TMC1: variants seen among roughly 807,000 people sequenced by gnomAD.
The protein encoded by TMC1 is transmembrane channel-like protein 1.
Under a neutral mutation model 105.8 loss-of-function variants are expected in TMC1, and 84 were observed. The observed-to-expected ratio is 0.79, with a 90% confidence interval of 0.67 to 0.95. The LOEUF (loss-of-function observed/expected upper bound fraction) is 0.95. Ranked by LOEUF, TMC1 falls within the 40% of genes least tolerant of loss-of-function variation. The probability of loss-of-function intolerance (pLI) is 0.00; values close to 1 mark genes in which losing one functional copy is unlikely to be tolerated. For synonymous variants in TMC1, 315 were observed against 311.5 expected, an observed-to-expected ratio of 1.01 and a Z score of -0.12; for missense variants, 817 against 914.1, an observed-to-expected ratio of 0.89 and a Z score of 1.37.
intron 1 of TMC1, among the ~76,000 whole-genome samples, chr9:72,527,828 C>A (rs1206598743): frequency 6.6e-6 from 1 of 152,316 alleles, no homozygotes; most frequent in Admixed American, 6.5e-5. Flanking sequence ...GGCTCTCAGG[C>A]TTTGTTGCCA....
chr9:72,627,035 T>A (rs559114235), intron 3 of TMC1, among the ~76,000 whole-genome samples: 1 of 152,108 alleles, frequency 6.6e-6, no homozygotes, highest in Non-Finnish European at 1.5e-5. Flanking sequence ...TGTTGGTTTT[T>A]TTTTTTTTTT....
At chr9:72,707,863 T>A (rs1057439833) in intron 8 of TMC1, among the ~76,000 whole-genome samples, 1 of 152,202 alleles carries the variant, frequency 6.6e-6, no homozygotes, top group Non-Finnish European at 1.5e-5. Flanking sequence ...TTTTTTCTGA[T>A]GTTATCTTCC....
rs1828202778 is a variant in TMC1, at chr9:72,788,268, G to T, written c.885-71G>T. On this transcript the variant is annotated intron_variant, in intron 13 of 23. Coordinates refer to ENST00000297784, the MANE Select transcript of TMC1 (RefSeq NM_138691.3). ...ATTGCTTCTCCACTTCAACACTCATGATCATGTTTTGTTGCTATTTCCCCT... is the reference window on the plus strand; with the variant it reads ...ATTGCTTCTCCACTTCAACACTCATTATCATGTTTTGTTGCTATTTCCCCT... 3.9e-6 allele frequency: 6 copies of T among 1,552,472 alleles called. No individual in the cohort carries two copies. The Admixed American group carries it at 5.0e-5, about 13-fold the overall frequency.
intron 1 of TMC1, among the ~76,000 whole-genome samples, chr9:72,539,889 C>T (rs1271903444): frequency 6.6e-6 from 1 of 152,154 alleles, no homozygotes; most frequent in East Asian, 1.9e-4. Flanking sequence ...GTTCTGCAAG[C>T]CTGTACAAGA....
chr9:72,784,235 A>C (rs564416998), intron 13 of TMC1, among the ~76,000 whole-genome samples: 4 of 152,292 alleles, frequency 2.6e-5, no homozygotes, highest in South Asian at 2.1e-4. Flanking sequence ...AAAACAAAAC[A>C]AAACCCTAAA....
rs572253209 is a variant in TMC1, at chr9:72,645,086, C to T, written c.-52-3511C>T. Among the ~76,000 whole-genome samples the T allele has an allele frequency of 7.2e-5, 11 of 152,202 alleles. 1 individual carries two copies. The East Asian group carries it at 1.7e-3, about 24-fold the overall frequency. ...AGAACAGATGATATGATGTTGAAGT[C>T]GAAGCCCACAGCAGCAGACCATCCA... On this transcript the variant is annotated intron_variant, in intron 4 of 23. Coordinates refer to ENST00000297784, the MANE Select transcript of TMC1 (RefSeq NM_138691.3).
At chr9:72,630,878 T>TTTC (rs1554716868) in intron 4 of TMC1, among the ~76,000 whole-genome samples, 1 of 151,744 alleles carries the variant, frequency 6.6e-6, no homozygotes, top group African/African-American at 2.4e-5. Flanking sequence ...TTTTTTTTTT[T>TTTC]TTCAATTTGA....
intron 2 of TMC1, among the ~76,000 whole-genome samples, chr9:72,596,102 C>G (rs1223915098): frequency 1.3e-5 from 2 of 151,932 alleles, no homozygotes; most frequent in Non-Finnish European, 2.9e-5. Context: ...GTCTTGAACT[C>G]CTGACCTCGT....
At chr9:72,652,182 T>C (rs1466343317) in intron 5 of TMC1, among the ~76,000 whole-genome samples, 1 of 152,190 alleles carries the variant, frequency 6.6e-6, no homozygotes, top group Non-Finnish European at 1.5e-5. Context: ...TCTTTCCATA[T>C]ACTTGTTGGC....
intron 17 of TMC1, among the ~76,000 whole-genome samples, chr9:72,795,969 A>C (rs1229997562): frequency 6.6e-6 from 1 of 152,136 alleles, no homozygotes; most frequent in East Asian, 1.9e-4. Context: ...CTACCAACCA[A>C]GAGAAAACAG....
At chr9:72,532,953 T>G (rs1051083561) in intron 1 of TMC1, among the ~76,000 whole-genome samples, 4 of 152,202 alleles carry the variant, frequency 2.6e-5, no homozygotes, top group African/African-American at 7.2e-5. Context: ...TCAGGCTACT[T>G]GGAGTAGAGG....
At chr9:72,792,504 G>T (rs768443837) in intron 17 of TMC1, 152 bp downstream of exon 17, 8 of 922,662 alleles carry the variant, frequency 8.7e-6, no homozygotes, top group South Asian at 1.4e-5. Flanking sequence ...TGAATTTCAT[G>T]TATATTATCT....
intron 15 of TMC1, 76 bp from the exon 16 acceptor site, chr9:72,791,810 C>T: frequency 7.8e-7 from 1 of 1,284,430 alleles, no homozygotes; most frequent in Non-Finnish European, 1.1e-6. Context: ...AGCTCAGAAT[C>T]TTCCAAAATT....
rs1199291264 is a variant in TMC1, at chr9:72,830,700, G to GT, written c.2260+21dup. On this transcript the variant is annotated intron_variant, in intron 23 of 23. Coordinates refer to ENST00000297784, the MANE Select transcript of TMC1 (RefSeq NM_138691.3). ...ACGAGCAGGTTGGAGATACGTTTAT[G>GT]TTTGTAATGTTTGTAATTTTTCTTT... 1.3e-6 allele frequency: 2 copies of GT among 1,509,454 alleles called. No homozygotes were observed. The highest frequency in any genetic ancestry group is 1.8e-6 in the Non-Finnish European group (2 of 1,109,872). 93.5% of individuals were successfully genotyped at this position (1,509,454 alleles called of 1,614,324 possible). A position where few individuals can be genotyped will look rare whatever the true frequency, so the allele number is the denominator to read the frequency against.
chr9:72,784,730 A>G (rs1044371459), intron 13 of TMC1, among the ~76,000 whole-genome samples: 4 of 152,258 alleles, frequency 2.6e-5, no homozygotes, highest in Admixed American at 2.6e-4. Context: ...AAAATGTAGT[A>G]TATATACACC....
intron 8 of TMC1, among the ~76,000 whole-genome samples, chr9:72,720,666 C>T (rs1001411279): frequency 6.6e-6 from 1 of 152,180 alleles, no homozygotes; most frequent in African/African-American, 2.4e-5. Context: ...GTTGTGTCTG[C>T]ATTTCTTGGA....
chr9:72,696,732 A>G (rs952191727), intron 7 of TMC1, among the ~76,000 whole-genome samples: 1 of 152,200 alleles, frequency 6.6e-6, no homozygotes, highest in Non-Finnish European at 1.5e-5. Context: ...TTCCAGTAAT[A>G]TTACAGGCTT....
intron 1 of TMC1, among the ~76,000 whole-genome samples, chr9:72,525,681 T>A (rs184335437): frequency 6.6e-6 from 1 of 152,182 alleles, no homozygotes; most frequent in Admixed American, 6.5e-5. Context: ...CTCTCCTTGC[T>A]CACATGAAAA....
chr9:72,745,967 A>G (rs1827482222), intron 10 of TMC1, among the ~76,000 whole-genome samples: 1 of 152,182 alleles, frequency 6.6e-6, no homozygotes, highest in South Asian at 2.1e-4. Context: ...TTACATGTAT[A>G]TGTAGGCATG....
Sources: gnomAD v4.1 joint callset for allele counts (sites outside exome capture counted in the v4.1 genomes callset) on GRCh38, gnomAD v4.1.1 for gene constraint, MANE v1.5 for transcripts, NCBI Gene and HGNC (gene_info 2026-07-23, HGNC 2026-07-21) for gene names.